FRMD4A: variants seen among roughly 807,000 people sequenced by gnomAD.
FRMD4A encodes FERM domain containing 4A.
Under a neutral mutation model 129.1 loss-of-function variants are expected in FRMD4A, and 29 were observed. The observed-to-expected ratio is 0.22, with a 90% CI of 0.17 to 0.31. The LOEUF (loss-of-function observed/expected upper bound fraction) is 0.31, where lower values mean the gene tolerates loss of function less well. FRMD4A is among the 10% of genes least tolerant of loss of function. The pLI is 1.00. For synonymous variants in FRMD4A, 634 were observed against 571.6 expected, an observed-to-expected ratio of 1.11 and a Z score of -1.56; for missense variants, 1,272 against 1,375.8, an observed-to-expected ratio of 0.92 and a Z score of 1.19.
At chr10:14,212,713 A>G (rs1842965901) in intron 2 of FRMD4A, among the ~76,000 whole-genome samples, 1 of 152,232 alleles carries the variant, frequency 6.6e-6, no homozygotes, top group Non-Finnish European at 1.5e-5. Context: ...AACTGTAAGT[A>G]CCTTAATGCC....
intron 2 of FRMD4A, among the ~76,000 whole-genome samples, chr10:13,864,497 G>A (rs1275453247): frequency 1.3e-5 from 2 of 150,672 alleles, no homozygotes; most frequent in Admixed American, 1.3e-4. Flanking sequence ...TGTCTTTTTG[G>A]TTTAGCCACT....
chr10:14,192,834 T>C (rs1397773569), intron 2 of FRMD4A, among the ~76,000 whole-genome samples: 4 of 152,366 alleles, frequency 2.6e-5, no homozygotes, highest in East Asian at 1.9e-4. Flanking sequence ...CAACTTTTTC[T>C]TCCAGGGGTC....
At chr10:14,115,933 C>T (rs961412671) in intron 2 of FRMD4A, among the ~76,000 whole-genome samples, 3 of 152,202 alleles carry the variant, frequency 2.0e-5, no homozygotes, top group South Asian at 2.1e-4. Flanking sequence ...CTTGGAAGCC[C>T]ACACCCTTAA....
chr10:14,117,820 G>T (rs1184870972), intron 2 of FRMD4A, among the ~76,000 whole-genome samples: 1 of 152,170 alleles, frequency 6.6e-6, no homozygotes, highest in Non-Finnish European at 1.5e-5. Context: ...GAGCAGAAAG[G>T]AGTCCTTGTG....
At chr10:13,799,992 A>C (rs1347608770) in intron 4 of FRMD4A, among the ~76,000 whole-genome samples, 1 of 150,768 alleles carries the variant, frequency 6.6e-6, no homozygotes, top group Non-Finnish European at 1.5e-5. Flanking sequence ...AGCCTGACCA[A>C]CATGGTGAAA....
At chr10:13,798,752 G>C (rs1304197204) in intron 4 of FRMD4A, among the ~76,000 whole-genome samples, 1 of 152,180 alleles carries the variant, frequency 6.6e-6, no homozygotes, top group Non-Finnish European at 1.5e-5. Flanking sequence ...AGTATTGTAA[G>C]TAAAATAACA....
intron 2 of FRMD4A, among the ~76,000 whole-genome samples, chr10:13,939,628 T>G (rs1418238133): frequency 2.0e-5 from 3 of 152,228 alleles, no homozygotes; most frequent in African/African-American, 7.2e-5. Context: ...AGTATTCTAA[T>G]TTAATAGCAG....
At chr10:14,127,935 TTTC>T (rs1838945810) in intron 2 of FRMD4A, among the ~76,000 whole-genome samples, 4 of 8,882 alleles carry the variant, frequency 4.5e-4, no homozygotes, top group African/African-American at 8.1e-4. Flanking sequence ...TCTTTCTTTC[TTTC>T]TTTCTTTCTT....
At chr10:13,970,930 G>T (rs1279572477) in intron 2 of FRMD4A, among the ~76,000 whole-genome samples, 1 of 152,122 alleles carries the variant, frequency 6.6e-6, no homozygotes, top group Non-Finnish European at 1.5e-5. Flanking sequence ...CTCATATTTG[G>T]GTTGAGAGGT....
At position 13,734,335 on chromosome 10, in the gene FRMD4A, C is replaced by T. The variant is rs139336924; in HGVS notation, c.759+3509G>A. On this transcript the variant is annotated intron_variant, in intron 12 of 24. Transcript: ENST00000357447. ...AAGCAGTTTCCGGAGAGTGCTTCTA[C>T]GACAATGGAAATCTGACACTATACT... Among the ~76,000 whole-genome samples the T allele has an allele frequency of 2.6e-5, 4 of 152,232 alleles. No individual in the cohort carries two copies. The East Asian group carries it at 5.8e-4, about 22-fold the overall frequency.
At chr10:13,894,507 C>T (rs2131173765) in intron 2 of FRMD4A, among the ~76,000 whole-genome samples, 1 of 152,338 alleles carries the variant, frequency 6.6e-6, no homozygotes, top group South Asian at 2.1e-4. Context: ...CCGCGGATCA[C>T]CCAGTAGCCC....
intron 2 of FRMD4A, among the ~76,000 whole-genome samples, chr10:14,187,513 G>A (rs1025078548): frequency 2.6e-5 from 4 of 152,136 alleles, no homozygotes; most frequent in Admixed American, 6.5e-5. Context: ...CATTTGCTTC[G>A]ACCTATATCC....
At chr10:14,148,637 C>A (rs1274957397) in intron 2 of FRMD4A, among the ~76,000 whole-genome samples, 1 of 152,052 alleles carries the variant, frequency 6.6e-6, no homozygotes, top group Non-Finnish European at 1.5e-5. Context: ...GTGGCATGTG[C>A]CTGTAATCCC....
chr10:13,968,633 T>C (rs1216803374), intron 2 of FRMD4A, among the ~76,000 whole-genome samples: 1 of 152,204 alleles, frequency 6.6e-6, no homozygotes, highest in African/African-American at 2.4e-5. Flanking sequence ...TTTGTATTTT[T>C]AGTAGAGATG....
At position 13,928,326 on chromosome 10, in the gene FRMD4A, A is replaced by AT. The variant is rs71505011; in HGVS notation, c.46-69415dup. ...CCTTACTTAACATATCTTTAGCTGG[A>AT]TTTTTTTTTTTGTTTTAAGTAGAAG... is the stretch of plus-strand genomic sequence containing the variant. On this transcript the variant is annotated intron_variant, in intron 2 of 24. Transcript: ENST00000357447. Among the ~76,000 whole-genome samples the AT allele has an allele frequency of 9.1e-3, 1,347 of 148,664 alleles. 18 individuals carry two copies. The highest frequency in any genetic ancestry group is 0.024 in the African/African-American group (984 of 40,646).
At chr10:14,192,838 AG>A (rs1842358043) in intron 2 of FRMD4A, among the ~76,000 whole-genome samples, 2 of 152,346 alleles carry the variant, frequency 1.3e-5, no homozygotes, top group South Asian at 2.1e-4. Context: ...TTTTTCTTCC[AG>A]GGGTCACAAA....
chr10:13,928,392 TC>T (rs1344993238), intron 2 of FRMD4A, among the ~76,000 whole-genome samples: 1 of 151,966 alleles, frequency 6.6e-6, no homozygotes, highest in Non-Finnish European at 1.5e-5. Context: ...GTTTTTCTCT[TC>T]TACTTAAAGA....
intron 2 of FRMD4A, among the ~76,000 whole-genome samples, chr10:13,968,717 G>C (rs897136711): frequency 2.6e-5 from 4 of 152,228 alleles, no homozygotes; most frequent in Non-Finnish European, 5.9e-5. Flanking sequence ...GCCTCCCAAA[G>C]TGCTAGGATT....
At chr10:14,138,259 C>T (rs1839648153) in intron 2 of FRMD4A, among the ~76,000 whole-genome samples, 2 of 152,184 alleles carry the variant, frequency 1.3e-5, no homozygotes, top group African/African-American at 4.8e-5. Flanking sequence ...CCTTTGCTCT[C>T]AAGGACTCAC....
Sources: allele counts gnomAD v4.1 joint callset (sites outside exome capture counted in the v4.1 genomes callset), GRCh38; gene constraint gnomAD v4.1.1; transcripts MANE v1.5; gene names NCBI Gene and HGNC (gene_info 2026-07-23, HGNC 2026-07-21).